The following AOAH variants were observed in gnomAD, a reference collection of about 807,000 sequenced individuals.
The protein encoded by AOAH is acyloxyacyl hydrolase, also known as acyloxyacyl hydrolase (neutrophil).
AOAH carries 64 observed loss-of-function variants against 92.2 expected under a neutral mutation model. That is an observed-to-expected ratio of 0.69 (90% CI 0.57 to 0.86). The LOEUF (loss-of-function observed/expected upper bound fraction) is 0.86, where lower values mean the gene tolerates loss of function less well. Ranked by LOEUF, AOAH falls within the 40% of genes least tolerant of loss-of-function variation. The pLI is 0.00. For missense variants in AOAH, 656 were observed against 694.6 expected (o/e 0.94, Z 0.62); for synonymous variants, 263 against 254.5 (o/e 1.03, Z -0.32).
intron 6 of AOAH, among the ~76,000 whole-genome samples, chr7:36,625,260 C>T (rs1289290999): frequency 6.6e-6 from 1 of 152,140 alleles, no homozygotes; most frequent in Non-Finnish European, 1.5e-5. Context: ...GTGCTCTTGC[C>T]AGATACTGAG....
At chr7:36,668,269 TG>T (rs1341188577) in intron 3 of AOAH, among the ~76,000 whole-genome samples, 2 of 152,000 alleles carry the variant, frequency 1.3e-5, no homozygotes, top group African/African-American at 4.8e-5. Flanking sequence ...CACAAAAGAG[TG>T]GGTGGGCACA....
intron 16 of AOAH, among the ~76,000 whole-genome samples, chr7:36,538,785 G>A (rs768496035): frequency 7.2e-5 from 11 of 152,218 alleles, no homozygotes; most frequent in East Asian, 1.9e-4. Context: ...CTAAGGCGGC[G>A]TGGTCAAAGT....
intron 2 of AOAH, among the ~76,000 whole-genome samples, chr7:36,678,613 G>GCT (rs1796454101): frequency 1.4e-5 from 2 of 140,714 alleles, no homozygotes; most frequent in African/African-American, 2.7e-5. Context: ...GCGCGCGCGC[G>GCT]CGTTAGAATT....
At chr7:36,523,629 G>GTTTTTTTTTTTTTTTTTTTTTTTTTT in intron 19 of AOAH, among the ~76,000 whole-genome samples, 1 of 100,138 alleles carries the variant, frequency 1.0e-5, no homozygotes, top group African/African-American at 4.1e-5. Context: ...TGTTTTGCCT[G>GTTTTTTTTTTTTTTTTTTTTTTTTTT]TTTTTTTTTT....
intron 14 of AOAH, 98 bp downstream of exon 14, chr7:36,549,341 T>A: frequency 1.1e-6 from 1 of 916,992 alleles, no homozygotes; most frequent in East Asian, 2.4e-5. Context: ...ACAAGCTATT[T>A]ATGCTCAGTA....
intron 11 of AOAH, among the ~76,000 whole-genome samples, chr7:36,602,215 G>A (rs1562610044): frequency 1.3e-5 from 2 of 152,054 alleles, no homozygotes; most frequent in African/African-American, 4.8e-5. Context: ...AACACTCCAT[G>A]TTTCATCATT....
intron 11 of AOAH, 164 bp from the exon 12 acceptor site, chr7:36,594,594 A>G (rs1285429363): frequency 1.4e-6 from 1 of 696,242 alleles, no homozygotes; most frequent in Non-Finnish European, 2.6e-6. Context: ...CTAACCTTCA[A>G]CTTCATCAGG....
rs548573992 is a variant in AOAH at position 36,525,786 on chromosome 7, T to A, written c.1523-3671A>T. 2.4e-4 allele frequency among the ~76,000 whole-genome samples: 36 copies of A among 152,288 alleles called. No individual in the cohort carries two copies. In the South Asian group the frequency reaches 2.7e-3, roughly 11 times the overall value. ...CCCCAAAATCCAAAATCTGAAACAC[T>A]TCTGGTCCCAAGCATTCAGGATAAG... On this transcript the variant is annotated intron_variant, in intron 19 of 20. Coordinates refer to ENST00000617537, the MANE Select transcript of AOAH (RefSeq NM_001637.4).
chr7:36,583,189 C>T (rs1370160656), intron 12 of AOAH, among the ~76,000 whole-genome samples: 1 of 152,078 alleles, frequency 6.6e-6, no homozygotes, highest in Admixed American at 6.5e-5. Context: ...TTACAAAAAA[C>T]AGGCTCCAGC....
intron 1 of AOAH, among the ~76,000 whole-genome samples, chr7:36,714,645 C>T (rs1799005849): frequency 6.6e-6 from 1 of 152,212 alleles, no homozygotes. Flanking sequence ...AAGTGGGCTT[C>T]ATCCCTGGGA....
intron 13 of AOAH, among the ~76,000 whole-genome samples, chr7:36,574,081 T>C (rs1788324762): frequency 6.6e-6 from 1 of 151,988 alleles, no homozygotes; most frequent in Admixed American, 6.6e-5. Flanking sequence ...CAAGAGAAAA[T>C]AGGAAGAGGG....
rs746274093 is a variant in AOAH, at chr7:36,686,743, G to A, written c.179C>T (p.Ser60Leu). 27 of 1,579,378 alleles carry A rather than the reference G, an allele frequency of 1.7e-5. No homozygotes were observed. In the East Asian group the frequency reaches 2.1e-4, roughly 13 times the overall value. ...VIEQLAQVHNSTVQASMERLC... is the reference protein window; with the variant it reads ...VIEQLAQVHNLTVQASMERLC... ...TCTCTCCATCGAGGCCTGGACCGTC[G>A]AGTTGTGAACTTGAGCAAGCTGTTC... The change falls in exon 2 of 21, where the codon TCG becomes TTG. Residue 60 changes from serine to leucine, a missense_variant. Ser to Leu is a moderately radical substitution (Grantham distance 145). Coordinates refer to ENST00000617537, the MANE Select transcript of AOAH (RefSeq NM_001637.4).
At chr7:36,619,247 C>T (rs866709239) in intron 9 of AOAH, among the ~76,000 whole-genome samples, 1 of 152,172 alleles carries the variant, frequency 6.6e-6, no homozygotes, top group African/African-American at 2.4e-5. Context: ...GTAAGACTCC[C>T]TCTGAGTTTA....
At chr7:36,700,148 TTTC>T (rs1479095192) in intron 1 of AOAH, among the ~76,000 whole-genome samples, 2 of 152,074 alleles carry the variant, frequency 1.3e-5, no homozygotes, top group African/African-American at 4.8e-5. Flanking sequence ...TTTCCTTTGA[TTTC>T]TTCTTTTTCT....
At chr7:36,569,299 TC>T (rs753559602) in intron 13 of AOAH, among the ~76,000 whole-genome samples, 17 of 152,272 alleles carry the variant, frequency 1.1e-4, no homozygotes, top group Admixed American at 5.9e-4. Context: ...GTGAGGAAAG[TC>T]TTGTCTGGAA....
At chr7:36,555,770 C>T (rs572916379) in intron 13 of AOAH, among the ~76,000 whole-genome samples, 11 of 152,266 alleles carry the variant, frequency 7.2e-5, no homozygotes, top group Non-Finnish European at 1.2e-4. Flanking sequence ...AGTTTATTTG[C>T]GTAGAGGTGT....
At chr7:36,517,220 C>CTTTCTTTCTTTCTT (rs1562854015) in intron 20 of AOAH, among the ~76,000 whole-genome samples, 2 of 54,172 alleles carry the variant, frequency 3.7e-5, no homozygotes, top group Non-Finnish European at 9.0e-5. Flanking sequence ...CTTTCTCTTT[C>CTTTCTTTCTTTCTT]TTTCTGTCTC....
intron 4 of AOAH, among the ~76,000 whole-genome samples, chr7:36,644,759 T>C (rs974776641): frequency 1.3e-5 from 2 of 152,242 alleles, no homozygotes; most frequent in Non-Finnish European, 1.5e-5. Flanking sequence ...TTATCAATTA[T>C]AGCATCAGTA....
chr7:36,524,303 A>G (rs1412400726), intron 19 of AOAH, among the ~76,000 whole-genome samples: 2 of 152,042 alleles, frequency 1.3e-5, no homozygotes, highest in African/African-American at 4.8e-5. Context: ...ATGATGGCAT[A>G]GGTAATTATT....
Sources: allele counts gnomAD v4.1 joint callset (sites outside exome capture counted in the v4.1 genomes callset), GRCh38; gene constraint gnomAD v4.1.1; transcripts MANE v1.5; gene names NCBI Gene and HGNC (gene_info 2026-07-23, HGNC 2026-07-21).